The following CHN2 variants were observed in gnomAD, a reference collection of about 807,000 sequenced individuals.
CHN2 encodes chimerin 2.
A neutral mutation model predicts 56.3 loss-of-function variants in CHN2; 35 were observed. The observed-to-expected ratio is 0.62, with a 90% CI of 0.47 to 0.82. The LOEUF is 0.82. CHN2 is among the 40% of genes least tolerant of loss of function. The pLI is 0.00. For synonymous variants in CHN2, 210 were observed against 212.8 expected (o/e 0.99, Z 0.12); for missense variants, 491 against 580.5 (o/e 0.85, Z 1.58).
intron 6 of CHN2, among the ~76,000 whole-genome samples, chr7:29,465,399 C>T (rs1487620228): frequency 6.6e-6 from 1 of 152,196 alleles, no homozygotes; most frequent in Non-Finnish European, 1.5e-5. Flanking sequence ...ATTACACATG[C>T]ACACACCTAT....
At chr7:29,197,576 G>T (rs536626240) in intron 1 of CHN2, among the ~76,000 whole-genome samples, 11 of 152,180 alleles carry the variant, frequency 7.2e-5, no homozygotes, top group Admixed American at 2.0e-4. Flanking sequence ...AGGCATTCAC[G>T]GGCTCAGAAT....
At chr7:29,298,033 C>T (rs1793330707) in intron 1 of CHN2, among the ~76,000 whole-genome samples, 1 of 152,106 alleles carries the variant, frequency 6.6e-6, no homozygotes, top group East Asian at 1.9e-4. Flanking sequence ...TTCCTTGCAT[C>T]CCCGAGGCCT....
At chr7:29,317,668 G>A (rs1795054003) in intron 1 of CHN2, among the ~76,000 whole-genome samples, 1 of 152,146 alleles carries the variant, frequency 6.6e-6, no homozygotes, top group Non-Finnish European at 1.5e-5. Context: ...GACAATAGGA[G>A]GGAGAGATCA....
chr7:29,406,656 G>A (rs1175632094), intron 6 of CHN2, among the ~76,000 whole-genome samples: 2 of 152,138 alleles, frequency 1.3e-5, no homozygotes, highest in Non-Finnish European at 2.9e-5. Flanking sequence ...TCAAAGCATG[G>A]CCCTCGGGAA....
intron 7 of CHN2, among the ~76,000 whole-genome samples, chr7:29,492,240 T>C (rs1215690754): frequency 6.6e-6 from 1 of 152,222 alleles, no homozygotes; most frequent in Non-Finnish European, 1.5e-5. Context: ...TTTTTACCTA[T>C]TTCTCCCCTT....
chr7:29,392,500 C>G (rs1344765730), intron 3 of CHN2, among the ~76,000 whole-genome samples: 1 of 152,152 alleles, frequency 6.6e-6, no homozygotes, highest in Non-Finnish European at 1.5e-5. Context: ...TTGAGTAATT[C>G]TCAGGTGTAA....
At chr7:29,360,897 A>G (rs1798684324) in intron 2 of CHN2, among the ~76,000 whole-genome samples, 1 of 152,192 alleles carries the variant, frequency 6.6e-6, no homozygotes, top group Non-Finnish European at 1.5e-5. Context: ...ACTGAAGAAA[A>G]AGTAAAACAG....
At chr7:29,247,522 G>A (rs1562862655) in intron 1 of CHN2, among the ~76,000 whole-genome samples, 1 of 152,200 alleles carries the variant, frequency 6.6e-6, no homozygotes, top group South Asian at 2.1e-4. Flanking sequence ...GCTTGCCAGA[G>A]ACTGCCTCAG....
chr7:29,147,055 A>T (rs1478263208), intron 2 of CHN2: 1 of 1,498,492 alleles, frequency 6.7e-7, no homozygotes, highest in South Asian at 1.3e-5. Flanking sequence ...GTACCATTAT[A>T]CCCATTTTGC....
chr7:29,435,664 T>C (rs935424616), intron 6 of CHN2, among the ~76,000 whole-genome samples: 1 of 152,132 alleles, frequency 6.6e-6, no homozygotes, highest in Non-Finnish European at 1.5e-5. Context: ...ACCACCATGG[T>C]ATATGTGGTC....
intron 6 of CHN2, among the ~76,000 whole-genome samples, chr7:29,456,961 T>C (rs68130686): frequency 0.14 from 21,915 of 151,786 alleles, 2,042 homozygotes; most frequent in African/African-American, 0.27. Flanking sequence ...TCTCAACTCA[T>C]TCAGGCCACA....
chr7:29,323,824 C>T (rs1475423346), intron 1 of CHN2, among the ~76,000 whole-genome samples: 5 of 76,420 alleles, frequency 6.5e-5, no homozygotes, highest in Admixed American at 4.7e-4. Context: ...GGTGAAACCC[C>T]GTTTCTACTA....
At chr7:29,327,156 G>C (rs775197148) in intron 1 of CHN2, among the ~76,000 whole-genome samples, 7 of 152,200 alleles carry the variant, frequency 4.6e-5, no homozygotes, top group Non-Finnish European at 7.3e-5. Context: ...TAATGCTGGA[G>C]AGAGGGATGA....
At chr7:29,395,168 T>TATAC (rs1801651827) in intron 4 of CHN2, among the ~76,000 whole-genome samples, 2 of 152,244 alleles carry the variant, frequency 1.3e-5, no homozygotes, top group African/African-American at 4.8e-5. Context: ...TTAGTTCTTT[T>TATAC]ATACCTTCAA....
chr7:29,417,437 G>A (rs1405864767), intron 6 of CHN2, among the ~76,000 whole-genome samples: 1 of 149,036 alleles, frequency 6.7e-6, no homozygotes, highest in East Asian at 2.0e-4. Flanking sequence ...CTGGGTTCAC[G>A]CCATTCTCCT....
intron 6 of CHN2, among the ~76,000 whole-genome samples, chr7:29,472,281 A>G (rs4722908): frequency 1.8e-4 from 26 of 143,618 alleles, no homozygotes; most frequent in Middle Eastern, 3.6e-3. Context: ...ATACACACAC[A>G]CACACACACA....
chr7:29,423,187 G>GAATCTGAATGCTTATGC (rs1804519035), intron 6 of CHN2, among the ~76,000 whole-genome samples: 2 of 152,186 alleles, frequency 1.3e-5, no homozygotes, highest in African/African-American at 4.8e-5. Flanking sequence ...TGACGGGGAC[G>GAATCTGAATGCTTATGC]TTTATTTCAT....
At chr7:29,493,151 T>C (rs1015009631) in intron 7 of CHN2, among the ~76,000 whole-genome samples, 2 of 152,212 alleles carry the variant, frequency 1.3e-5, no homozygotes, top group African/African-American at 4.8e-5. Context: ...TATGTTTAGA[T>C]ATGTTCAGGT....
At chr7:29,464,591 G>A (rs968225373) in intron 6 of CHN2, among the ~76,000 whole-genome samples, 1 of 152,200 alleles carries the variant, frequency 6.6e-6, no homozygotes, top group South Asian at 2.1e-4. Flanking sequence ...CCTATGAGTA[G>A]TCTAAGAACC....
Sources: gnomAD v4.1 joint callset for allele counts (sites outside exome capture counted in the v4.1 genomes callset) on GRCh38, gnomAD v4.1.1 for gene constraint, MANE v1.5 for transcripts, NCBI Gene and HGNC (gene_info 2026-07-23, HGNC 2026-07-21) for gene names.